GAS2: variants seen among roughly 807,000 people sequenced by gnomAD.
GAS2 encodes growth arrest-specific protein 2.
GAS2 carries 20 observed loss-of-function variants against 37.5 expected under a neutral mutation model. That is an observed-to-expected ratio of 0.53 (90% confidence interval 0.37 to 0.77). The LOEUF is 0.77. Among genes scored for constraint, GAS2 ranks in the 30% least tolerant of loss-of-function variants. GAS2 has a pLI of 0.00. For synonymous variants in GAS2, 144 were observed against 132.2 expected, an observed-to-expected ratio of 1.09 and a Z score of -0.61; for missense variants, 336 against 373.4, an observed-to-expected ratio of 0.90 and a Z score of 0.82.
intron 2 of GAS2, among the ~76,000 whole-genome samples, chr11:22,678,048 C>T (rs1049328550): frequency 1.3e-5 from 2 of 151,992 alleles, no homozygotes; most frequent in African/African-American, 4.8e-5. Context: ...ATGAAATTTT[C>T]TCAGAAAAGG....
At chr11:22,722,666 T>C (rs1047364620) in intron 3 of GAS2, among the ~76,000 whole-genome samples, 4 of 151,922 alleles carry the variant, frequency 2.6e-5, no homozygotes, top group African/African-American at 9.7e-5. Flanking sequence ...AGTTATGCCA[T>C]TAACTTAGTG....
At chr11:22,796,890 A>T (rs1856451929) in intron 7 of GAS2, among the ~76,000 whole-genome samples, 1 of 152,096 alleles carries the variant, frequency 6.6e-6, no homozygotes, top group African/African-American at 2.4e-5. Context: ...TCTTTGCTCC[A>T]TGGAGCCCAG....
chr11:22,789,435 T>G (rs28523962), intron 7 of GAS2, among the ~76,000 whole-genome samples: 1 of 94,566 alleles, frequency 1.1e-5, no homozygotes, highest in Non-Finnish European at 2.3e-5. Context: ...GATATATATA[T>G]ATATATATAT....
At chr11:22,640,479 T>C (rs116101349) in intron 1 of GAS2, among the ~76,000 whole-genome samples, 1 of 152,180 alleles carries the variant, frequency 6.6e-6, no homozygotes. Context: ...TTTATTGACA[T>C]TCACAAAATA....
intron 3 of GAS2, among the ~76,000 whole-genome samples, chr11:22,712,655 A>G (rs1239691031): frequency 1.3e-5 from 2 of 152,206 alleles, no homozygotes; most frequent in Non-Finnish European, 2.9e-5. Flanking sequence ...TATGACACCC[A>G]CAAAAGATCA....
At chr11:22,648,796 G>C (rs1341176497) in intron 1 of GAS2, among the ~76,000 whole-genome samples, 4 of 152,216 alleles carry the variant, frequency 2.6e-5, no homozygotes, top group Non-Finnish European at 5.9e-5. Context: ...CTTTGCTGAA[G>C]TTGCTTATCA....
At chr11:22,754,792 G>A (rs1564872027) in intron 6 of GAS2, among the ~76,000 whole-genome samples, 1 of 152,070 alleles carries the variant, frequency 6.6e-6, no homozygotes, top group Non-Finnish European at 1.5e-5. Context: ...TTGAAGGAAT[G>A]ATTGCATTTC....
chr11:22,652,901 A>G (rs1365103218), intron 1 of GAS2, among the ~76,000 whole-genome samples: 1 of 151,994 alleles, frequency 6.6e-6, no homozygotes, highest in Non-Finnish European at 1.5e-5. Flanking sequence ...TCACGCTGGG[A>G]GCTGTAGACC....
intron 3 of GAS2, among the ~76,000 whole-genome samples, chr11:22,716,933 C>A (rs185525133): frequency 1.3e-5 from 2 of 152,188 alleles, no homozygotes; most frequent in Admixed American, 6.5e-5. Flanking sequence ...AGCAATATAC[C>A]TATCCAAAGA....
intron 1 of GAS2, among the ~76,000 whole-genome samples, chr11:22,627,416 G>A (rs1270089206): frequency 1.3e-5 from 2 of 152,202 alleles, no homozygotes; most frequent in Non-Finnish European, 2.9e-5. Flanking sequence ...GTGATAGTAG[G>A]ATGAAATTGA....
chr11:22,699,408 A>G (rs1450970984), intron 3 of GAS2, among the ~76,000 whole-genome samples: 1 of 152,130 alleles, frequency 6.6e-6, no homozygotes. Flanking sequence ...ATTGGAAAAG[A>G]TGAATTTACT....
upstream of GAS2, among the ~76,000 whole-genome samples, chr11:22,666,153 A>C (rs1848982050): frequency 6.6e-6 from 1 of 152,256 alleles, no homozygotes; most frequent in South Asian, 2.1e-4. Flanking sequence ...TGTCTCTGAC[A>C]TTCAACATAA....
chr11:22,811,759 T>A, intron 7 of GAS2, 39 bp from the exon 8 acceptor site: 1 of 1,582,518 alleles, frequency 6.3e-7, no homozygotes, highest in Non-Finnish European at 8.7e-7. Context: ...ACTGTAAGAA[T>A]TCTCGGAATT....
chr11:22,752,902 C>T (rs1235149589), intron 6 of GAS2, among the ~76,000 whole-genome samples: 1 of 152,012 alleles, frequency 6.6e-6, no homozygotes, highest in East Asian at 1.9e-4. Flanking sequence ...ATCAAGATAT[C>T]ATGAAAGAAA....
At chr11:22,754,514 A>G (rs542241154) in intron 6 of GAS2, among the ~76,000 whole-genome samples, 121 of 152,032 alleles carry the variant, frequency 8.0e-4, no homozygotes, top group Non-Finnish European at 1.3e-3. Context: ...TTTCCCCCCA[A>G]AATAGTGTTG....
At position 22,713,743 on chromosome 11, in the gene GAS2, A is replaced by G. The variant is rs527857122; in HGVS notation, c.268-12549A>G. Among the ~76,000 whole-genome samples, 12 of 152,292 alleles carry G rather than the reference A, an allele frequency of 7.9e-5. No homozygotes were observed. In the South Asian group the frequency reaches 2.5e-3, roughly 32 times the overall value. On this transcript the variant is annotated intron_variant, in intron 3 of 7. Coordinates refer to ENST00000454584, the MANE Select transcript of GAS2 (RefSeq NM_001143830.3). Reference sequence around the variant, plus strand: ...AATAATTATCAGCAAAGAATCTTGTACACAGCAAACTAAGCTTCATACATG... The same window carrying G: ...AATAATTATCAGCAAAGAATCTTGTGCACAGCAAACTAAGCTTCATACATG...
At chr11:22,803,267 G>A (rs138188324) in intron 7 of GAS2, among the ~76,000 whole-genome samples, 14 of 152,080 alleles carry the variant, frequency 9.2e-5, no homozygotes, top group African/African-American at 3.4e-4. Context: ...GTATTCCGTC[G>A]TGTTACCTCA....
intron 1 of GAS2, chr11:22,626,517 T>C (rs1031367516): frequency 6.5e-6 from 1 of 153,162 alleles, no homozygotes; most frequent in South Asian, 2.0e-4. Flanking sequence ...GGAAATGGCA[T>C]TTAAGAGCAT....
intron 7 of GAS2, among the ~76,000 whole-genome samples, chr11:22,796,430 T>C (rs1194792970): frequency 6.6e-6 from 1 of 152,126 alleles, no homozygotes; most frequent in Admixed American, 6.6e-5. Flanking sequence ...AATGTATTGC[T>C]CTTTCTTCTC....
Sources: allele counts gnomAD v4.1 joint callset (sites outside exome capture counted in the v4.1 genomes callset), GRCh38; gene constraint gnomAD v4.1.1; transcripts MANE v1.5; gene names NCBI Gene and HGNC (gene_info 2026-07-23, HGNC 2026-07-21).